Variants in TOP6BL observed in about 807,000 individuals in gnomAD.
TOP6BL encodes the protein type 2 DNA topoisomerase 6 subunit B-like.
chr11:66,755,978 T>C, the TOP6BL span, among the ~76,000 whole-genome samples: 1 of 152,236 alleles, frequency 6.6e-6, no homozygotes, highest in Non-Finnish European at 1.5e-5. Context: ...TAAGGTCATA[T>C]ACACTGGGGC....
the TOP6BL span, among the ~76,000 whole-genome samples, chr11:66,780,596 T>C: frequency 1.3e-5 from 2 of 152,178 alleles, no homozygotes; most frequent in African/African-American, 4.8e-5. Flanking sequence ...TTTATTTTTT[T>C]GGAGACAGAG....
the TOP6BL span, among the ~76,000 whole-genome samples, chr11:66,774,603 G>A: frequency 2.0e-5 from 3 of 151,726 alleles, no homozygotes; most frequent in Admixed American, 6.6e-5. Context: ...ACAGGCGCCC[G>A]CCACCACGCC....
the TOP6BL span, among the ~76,000 whole-genome samples, chr11:66,835,701 T>C: frequency 6.6e-6 from 1 of 152,240 alleles, no homozygotes; most frequent in Non-Finnish European, 1.5e-5. Context: ...TCATTTAGCA[T>C]GTTTCTAAGG....
At chr11:66,762,063 C>T in the TOP6BL span, 7 of 1,316,740 alleles carry the variant, frequency 5.3e-6, no homozygotes, top group African/African-American at 1.4e-5. Flanking sequence ...ACTAATTTAG[C>T]TTCTGTCCCA....
the TOP6BL span, among the ~76,000 whole-genome samples, chr11:66,759,554 A>G: frequency 6.6e-6 from 1 of 152,196 alleles, no homozygotes; most frequent in African/African-American, 2.4e-5. Flanking sequence ...GGTACGGTTT[A>G]GGAGTTTTTG....
At chr11:66,796,313 T>C in the TOP6BL span, 22 of 1,610,964 alleles carry the variant, frequency 1.4e-5, no homozygotes, top group South Asian at 2.2e-5. Flanking sequence ...TGATGACAGA[T>C]TGTCTGGTTA....
the TOP6BL span, among the ~76,000 whole-genome samples, chr11:66,826,340 A>G: frequency 2.6e-5 from 4 of 152,086 alleles, no homozygotes; most frequent in Non-Finnish European, 4.4e-5. Flanking sequence ...TTAATATCCC[A>G]CTGTATTGTT....
chr11:66,777,073 ATATC>A, the TOP6BL span, among the ~76,000 whole-genome samples: 3 of 149,460 alleles, frequency 2.0e-5, no homozygotes, highest in African/African-American at 4.9e-5. Context: ...CTATATATCT[ATATC>A]TATATATATC....
the TOP6BL span, among the ~76,000 whole-genome samples, chr11:66,827,966 GAAAAAAAAA>G: frequency 6.9e-3 from 207 of 30,108 alleles, no homozygotes; most frequent in South Asian, 0.016. Flanking sequence ...CTCTGTCTCA[GAAAAAAAAA>G]AAAAAAAAAA....
At chr11:66,801,965 T>A in the TOP6BL span, among the ~76,000 whole-genome samples, 1 of 152,218 alleles carries the variant, frequency 6.6e-6, no homozygotes. Flanking sequence ...ATGAATTATG[T>A]CAAGAAAAGA....
At chr11:66,834,123 C>T in the TOP6BL span, among the ~76,000 whole-genome samples, 4 of 152,234 alleles carry the variant, frequency 2.6e-5, no homozygotes, top group Non-Finnish European at 4.4e-5. Flanking sequence ...TAATCTGTGC[C>T]GAGATTTTCA....
the TOP6BL span, among the ~76,000 whole-genome samples, chr11:66,779,049 C>T: frequency 6.6e-6 from 1 of 152,254 alleles, no homozygotes; most frequent in Non-Finnish European, 1.5e-5. Flanking sequence ...AGACCTAAAA[C>T]CATAAAAACT....
At chr11:66,778,682 C>G in the TOP6BL span, among the ~76,000 whole-genome samples, 3 of 151,884 alleles carry the variant, frequency 2.0e-5, no homozygotes, top group Admixed American at 2.0e-4. Flanking sequence ...CATATGGAAC[C>G]AAAAAAGAAC....
chr11:66,783,914 C>G, the TOP6BL span, among the ~76,000 whole-genome samples: 36 of 152,322 alleles, frequency 2.4e-4, no homozygotes, highest in African/African-American at 8.4e-4. Flanking sequence ...CAGCCTCTAC[C>G]TCCTGGCCTG....
chr11:66,813,854 A>G, the TOP6BL span: 1 of 1,612,334 alleles, frequency 6.2e-7, no homozygotes, highest in Admixed American at 1.7e-5. Context: ...AGTTTTCTTT[A>G]GCAACTACAC....
chr11:66,749,065 G>T, the TOP6BL span, among the ~76,000 whole-genome samples: 2 of 150,422 alleles, frequency 1.3e-5, no homozygotes, highest in African/African-American at 4.9e-5. Context: ...TGTGTGTGTG[G>T]TGTGTGTGTG....
At chr11:66,764,375 C>T in the TOP6BL span, among the ~76,000 whole-genome samples, 5 of 151,756 alleles carry the variant, frequency 3.3e-5, no homozygotes, top group South Asian at 2.1e-4. Flanking sequence ...GAAAATCGGC[C>T]GGGCGCGGTG....
At chr11:66,843,329 T>TCTTCCGCGTCTG in the TOP6BL span, 19 of 1,496,638 alleles carry the variant, frequency 1.3e-5, no homozygotes, top group African/African-American at 9.9e-5. Flanking sequence ...CACCAAGTCC[T>TCTTCCGCGTCTG]CTTCCGCGTC....
At chr11:66,819,083 C>T in the TOP6BL span, among the ~76,000 whole-genome samples, 1 of 152,118 alleles carries the variant, frequency 6.6e-6, no homozygotes, top group African/African-American at 2.4e-5. Context: ...GATAATTTTA[C>T]CTTCTCTTCC....
Sources: gnomAD v4.1 joint callset for allele counts (sites outside exome capture counted in the v4.1 genomes callset) on GRCh38, gnomAD v4.1.1 for gene constraint, MANE v1.5 for transcripts, NCBI Gene and HGNC (gene_info 2026-07-23, HGNC 2026-07-21) for gene names.